Variants in CACNA2D1 observed in about 807,000 individuals in gnomAD.
CACNA2D1 encodes the protein calcium voltage-gated channel auxiliary subunit alpha2delta 1, also known as voltage-dependent calcium channel subunit alpha-2/delta-1.
A neutral mutation model predicts 171.5 loss-of-function variants in CACNA2D1; 53 were observed. The observed-to-expected ratio is 0.31, with a 90% confidence interval of 0.25 to 0.39. CACNA2D1 has a LOEUF of 0.39. Ranked by LOEUF, CACNA2D1 falls within the 10% of genes least tolerant of loss-of-function variation. The pLI, the probability that CACNA2D1 is intolerant of heterozygous loss-of-function variation, is 1.00. For missense variants in CACNA2D1, 903 were observed against 1,299.8 expected (o/e 0.69, Z 4.69); for synonymous variants, 442 against 443.1 (o/e 1.00, Z 0.03).
chr7:81,998,082 C>T (rs1798231270), intron 18 of CACNA2D1, among the ~76,000 whole-genome samples: 2 of 151,858 alleles, frequency 1.3e-5, no homozygotes, highest in Admixed American at 6.6e-5. Context: ...ATTTTAATGT[C>T]TCAATTGCAA....
intron 4 of CACNA2D1, among the ~76,000 whole-genome samples, chr7:82,156,263 G>A (rs1290149294): frequency 1.3e-5 from 2 of 152,048 alleles, no homozygotes; most frequent in Non-Finnish European, 2.9e-5. Context: ...GTGTCATCAT[G>A]GCTATTTAGT....
chr7:82,073,652 G>C (rs181009146), intron 7 of CACNA2D1, among the ~76,000 whole-genome samples: 5 of 152,148 alleles, frequency 3.3e-5, no homozygotes, highest in African/African-American at 1.2e-4. Flanking sequence ...CCAGGCGTGA[G>C]TGCAATGGTG....
chr7:82,152,776 T>C (rs1793991285), intron 4 of CACNA2D1, among the ~76,000 whole-genome samples: 2 of 152,008 alleles, frequency 1.3e-5, no homozygotes, highest in African/African-American at 4.8e-5. Context: ...AAGGTGTATT[T>C]CTGTTTTTCA....
intron 3 of CACNA2D1, among the ~76,000 whole-genome samples, chr7:82,333,799 A>C (rs1468923978): frequency 1.3e-5 from 2 of 152,080 alleles, no homozygotes; most frequent in African/African-American, 4.8e-5. Flanking sequence ...ATGCAGACTA[A>C]AATTATATAC....
intron 4 of CACNA2D1, among the ~76,000 whole-genome samples, chr7:82,144,543 A>AT (rs1792762604): frequency 6.6e-6 from 1 of 151,982 alleles, no homozygotes; most frequent in Non-Finnish European, 1.5e-5. Flanking sequence ...GGCATGAAAT[A>AT]TTTTTTCACC....
chr7:82,432,062 G>T (rs1829734996), intron 1 of CACNA2D1, among the ~76,000 whole-genome samples: 1 of 90,488 alleles, frequency 1.1e-5, no homozygotes, highest in Admixed American at 9.9e-5. Flanking sequence ...AAAAAAATTG[G>T]AGAGTACTAA....
At chr7:82,136,101 G>A (rs535705036) in intron 5 of CACNA2D1, among the ~76,000 whole-genome samples, 54 of 152,230 alleles carry the variant, frequency 3.5e-4, no homozygotes, top group African/African-American at 1.2e-3. Context: ...ATGTTTTCAA[G>A]TCATTTAAAT....
chr7:82,425,597 G>T (rs915155779), intron 1 of CACNA2D1, among the ~76,000 whole-genome samples: 1 of 148,566 alleles, frequency 6.7e-6, no homozygotes, highest in Non-Finnish European at 1.5e-5. Flanking sequence ...GCTGGAGTGC[G>T]GCTGCTGGAT....
At chr7:82,100,457 G>T (rs1030582938) in intron 6 of CACNA2D1, among the ~76,000 whole-genome samples, 2 of 152,042 alleles carry the variant, frequency 1.3e-5, no homozygotes, top group African/African-American at 4.8e-5. Context: ...TGTTCATTAA[G>T]ATGAAAACTT....
rs764685001 is a variant in CACNA2D1 at position 82,414,824 on chromosome 7, G to A, written c.95+28541C>T. ...ATACACCCTAGAAGTGGACACCTCC[G>A]TAAAATTGACTGTTTAGTGCACTGG... On this transcript the variant is annotated intron_variant, in intron 1 of 38. Coordinates refer to ENST00000356860, the MANE Select transcript of CACNA2D1 (RefSeq NM_000722.4). Among the ~76,000 whole-genome samples, 9 of 152,150 alleles carry A rather than the reference G, an allele frequency of 5.9e-5. No homozygotes were observed. In the South Asian group the frequency reaches 6.2e-4, roughly 11 times the overall value.
chr7:81,963,382 G>A (rs1794366499), intron 34 of CACNA2D1, among the ~76,000 whole-genome samples: 1 of 151,800 alleles, frequency 6.6e-6, no homozygotes, highest in African/African-American at 2.4e-5. Context: ...AGGGAGAGAG[G>A]GAAGAGGGAG....
At chr7:82,147,579 G>A (rs1444894923) in intron 4 of CACNA2D1, among the ~76,000 whole-genome samples, 1 of 151,854 alleles carries the variant, frequency 6.6e-6, no homozygotes, top group Non-Finnish European at 1.5e-5. Context: ...TCTTCCTATT[G>A]ACTCAGACAC....
At chr7:81,976,576 TG>T (rs1795868128) in intron 24 of CACNA2D1, among the ~76,000 whole-genome samples, 1 of 152,192 alleles carries the variant, frequency 6.6e-6, no homozygotes, top group Non-Finnish European at 1.5e-5. Flanking sequence ...TGCTTGTGGC[TG>T]GGCACAGTGG....
At chr7:82,031,715 A>G (rs1802722503) in intron 12 of CACNA2D1, among the ~76,000 whole-genome samples, 1 of 151,972 alleles carries the variant, frequency 6.6e-6, no homozygotes, top group African/African-American at 2.4e-5. Context: ...ACTGTTCGCC[A>G]TTATTCACAA....
chr7:82,439,316 A>G (rs1181404850), intron 1 of CACNA2D1, among the ~76,000 whole-genome samples: 1 of 152,016 alleles, frequency 6.6e-6, no homozygotes, highest in East Asian at 1.9e-4. Flanking sequence ...TGTTTTTGTA[A>G]AAATTTACTA....
intron 3 of CACNA2D1, among the ~76,000 whole-genome samples, chr7:82,332,569 C>A (rs2368019): frequency 0.21 from 25,439 of 118,726 alleles, 2,440 homozygotes; most frequent in South Asian, 0.32. Context: ...AAAGAAAGAA[C>A]GAACAGAAAA....
chr7:82,280,264 T>C (rs554093913), intron 3 of CACNA2D1, among the ~76,000 whole-genome samples: 3 of 152,316 alleles, frequency 2.0e-5, no homozygotes, highest in South Asian at 4.1e-4. Context: ...TGCATGCTCA[T>C]GTACATGTAC....
chr7:81,959,971 A>AT lies in CACNA2D1; in HGVS notation c.2967-143dup, dbSNP rs2130191625. ...CCATTCCCAGCACAATAGGAGTATG[A>AT]TTTTAGAAGAAAAAAATGCTTCATT... is the stretch of plus-strand genomic sequence containing the variant. On this transcript the variant is annotated intron_variant, in intron 36 of 38. Coordinates refer to ENST00000356860, the MANE Select transcript of CACNA2D1 (RefSeq NM_000722.4). 2.3e-6 allele frequency: 3 copies of AT among 1,309,932 alleles called. No homozygotes were observed. The East Asian group carries it at 7.7e-5, about 34-fold the overall frequency. The allele number at this position is 1,309,932 out of a possible 1,614,324, so 81.1% of individuals were successfully genotyped here.
intron 19 of CACNA2D1, 125 bp from the exon 20 acceptor site, chr7:81,995,064 G>T: frequency 3.3e-6 from 2 of 598,710 alleles, no homozygotes; most frequent in African/African-American, 1.9e-5. Context: ...AAAATAGGGG[G>T]TTAGTTTTAC....
Sources: allele counts gnomAD v4.1 joint callset (sites outside exome capture counted in the v4.1 genomes callset), GRCh38; gene constraint gnomAD v4.1.1; transcripts MANE v1.5; gene names NCBI Gene and HGNC (gene_info 2026-07-23, HGNC 2026-07-21).